Variants in PTPRQ observed in about 807,000 individuals in gnomAD.
The protein encoded by PTPRQ is protein tyrosine phosphatase receptor type Q, also known as phosphatidylinositol phosphatase PTPRQ.
In PTPRQ, 199 loss-of-function variants were observed where a neutral mutation model predicts 246.0. The ratio of observed to expected loss-of-function variants is 0.81; its 90% CI spans 0.72 to 0.91. The LOEUF (loss-of-function observed/expected upper bound fraction) is 0.91, where lower values mean the gene tolerates loss of function less well. PTPRQ is among the 40% of genes least tolerant of loss of function. PTPRQ has a pLI of 0.00. For missense variants in PTPRQ, 2,624 were observed against 2,528.4 expected, an observed-to-expected ratio of 1.04 and a Z score of -0.81; for synonymous variants, 869 against 853.2, an observed-to-expected ratio of 1.02 and a Z score of -0.32.
chr12:80,575,166 T>C (rs1339068122), intron 25 of PTPRQ, among the ~76,000 whole-genome samples: 1 of 152,260 alleles, frequency 6.6e-6, no homozygotes, highest in East Asian at 1.9e-4. Context: ...TATTAAAATA[T>C]CTAGTCACAC....
At chr12:80,571,013 A>G (rs1367982680) in intron 25 of PTPRQ, among the ~76,000 whole-genome samples, 1 of 152,182 alleles carries the variant, frequency 6.6e-6, no homozygotes, top group Non-Finnish European at 1.5e-5. Flanking sequence ...GAAGCCAGGT[A>G]CCATGATGCC....
intron 8 of PTPRQ, among the ~76,000 whole-genome samples, chr12:80,479,913 C>T (rs1893973568): frequency 6.6e-6 from 1 of 151,146 alleles, no homozygotes; most frequent in Non-Finnish European, 1.5e-5. Context: ...GACTCCCACA[C>T]ATTAATAATG....
intron 37 of PTPRQ, among the ~76,000 whole-genome samples, chr12:80,652,197 T>A (rs1400983622): frequency 3.3e-5 from 5 of 152,042 alleles, no homozygotes; most frequent in African/African-American, 7.2e-5. Flanking sequence ...CAATAATAGA[T>A]CTTCTTGACC....
chr12:80,516,025 C>T (rs1405711818), intron 17 of PTPRQ, among the ~76,000 whole-genome samples: 1 of 138,700 alleles, frequency 7.2e-6, no homozygotes, highest in African/African-American at 2.6e-5. Flanking sequence ...CTAGCATTTC[C>T]CCCCTGCAGT....
At position 80,676,973 on chromosome 12, in the gene PTPRQ, C is replaced by A. The variant is rs576774739; in HGVS notation, c.6739-1629C>A. Among the ~76,000 whole-genome samples, 8 of 152,224 alleles carry A rather than the reference C, an allele frequency of 5.3e-5. No homozygotes were observed. In the South Asian group the frequency reaches 1.5e-3, roughly 28 times the overall value. ...CTTAAGGTAATATGGCTCTCTAGGGCAGAAACTGGAATTAAACTTTTTTCA... is the reference window on the plus strand; with the variant it reads ...CTTAAGGTAATATGGCTCTCTAGGGAAGAAACTGGAATTAAACTTTTTTCA... On this transcript the variant is annotated intron_variant, in intron 43 of 44. Transcript: ENST00000644991.
At chr12:80,542,061 C>T in intron 21 of PTPRQ, 28 bp from the exon 22 acceptor site, 2 of 1,523,280 alleles carry the variant, frequency 1.3e-6, no homozygotes, top group Non-Finnish European at 1.8e-6. Context: ...ACTTTTGTTT[C>T]ATTTAATATT....
intron 17 of PTPRQ, among the ~76,000 whole-genome samples, chr12:80,524,149 G>C (rs964118624): frequency 6.6e-6 from 1 of 152,168 alleles, no homozygotes; most frequent in East Asian, 1.9e-4. Context: ...GATCTTTGTT[G>C]GTTTAAAGTC....
At chr12:80,642,298 C>T (rs931278211) in intron 35 of PTPRQ, among the ~76,000 whole-genome samples, 2 of 152,142 alleles carry the variant, frequency 1.3e-5, no homozygotes, top group African/African-American at 4.8e-5. Flanking sequence ...CTGGTATCTC[C>T]TATTCATTGA....
rs893971566 is a variant in PTPRQ at position 80,622,249 on chromosome 12, T to A, written c.5686+115T>A. 13 of 897,658 alleles carry A rather than the reference T, an allele frequency of 1.4e-5. No homozygotes were observed. The South Asian group carries it at 4.3e-4, about 30-fold the overall frequency. The allele number at this position is 897,658 out of a possible 1,614,324, so 55.6% of individuals were successfully genotyped here. A position where few individuals can be genotyped will look rare whatever the true frequency, so the allele number is the denominator to read the frequency against. On this transcript the variant is annotated intron_variant, in intron 33 of 44. Transcript: ENST00000644991. ...GTTTTAAAATATAAACTCATTTAAA[T>A]GTTAATTAGCCTCTCTAGTAATATT...
chr12:80,611,879 A>G (rs1247951856), intron 28 of PTPRQ, among the ~76,000 whole-genome samples: 3 of 150,498 alleles, frequency 2.0e-5, no homozygotes, highest in African/African-American at 7.3e-5. Context: ...TCTTGAACCA[A>G]CTTAACCTTT....
intron 35 of PTPRQ, among the ~76,000 whole-genome samples, chr12:80,644,632 GTT>G (rs754300409): frequency 1.1e-4 from 16 of 152,024 alleles, no homozygotes; most frequent in Non-Finnish European, 1.9e-4. Context: ...TAAGCAAACA[GTT>G]TTTCCTATTA....
chr12:80,457,358 A>G (rs1029018576), intron 3 of PTPRQ, among the ~76,000 whole-genome samples: 13 of 152,018 alleles, frequency 8.6e-5, no homozygotes, highest in African/African-American at 2.9e-4. Flanking sequence ...AAGGTATTTG[A>G]CCTCTCTCAG....
chr12:80,510,345 C>T lies in PTPRQ; in HGVS notation c.2580C>T (p.Asp860=), dbSNP rs1176616801. The T allele has an allele frequency of 2.6e-6, 4 of 1,548,648 alleles. No individual in the cohort carries two copies. Among genetic ancestry groups the T allele is most frequent in the Non-Finnish European group, 2.6e-6 (3 of 1,145,344 alleles). The change falls in exon 17 of 45, where the codon GAC becomes GAT. Residue 860 remains aspartate (D), a synonymous_variant. Coordinates refer to ENST00000644991, the MANE Select transcript of PTPRQ (RefSeq NM_001145026.2). Reference sequence around the variant, plus strand: ...CAGCTCCTGATTCTCCCCCTCAAGACTTCTCTGTAAAACAGTTGTCTGGTG... The same window carrying T: ...CAGCTCCTGATTCTCCCCCTCAAGATTTCTCTGTAAAACAGTTGTCTGGTG... ...EEDAPDSPPQ[D]FSVKQLSGVT... is the part of the protein sequence containing the mutation.
At chr12:80,478,006 C>T (rs555303767) in intron 8 of PTPRQ, among the ~76,000 whole-genome samples, 160 of 152,358 alleles carry the variant, frequency 1.1e-3, no homozygotes, top group African/African-American at 3.7e-3. Context: ...AGCCTGGAAG[C>T]TCCAACTGGG....
At chr12:80,455,889 G>A (rs373332655) in intron 3 of PTPRQ, among the ~76,000 whole-genome samples, 13 of 151,928 alleles carry the variant, frequency 8.6e-5, no homozygotes, top group Non-Finnish European at 1.6e-4. Context: ...GTGAGCCACC[G>A]CGCCCAGCCG....
Position 80,496,493 on chromosome 12 carries a change from A to T in PTPRQ, c.2234A>T (p.Gln745Leu). Reference protein sequence around the residue: ...RSYTRFGHGNQVSSLLSVRTS... With the variant: ...RSYTRFGHGNLVSSLLSVRTS... Reference sequence around the variant, plus strand: ...TACACCAGATTTGGTCATGGCAATCAGGTATCTTCTTTACTCTCTGTAAGG... The same window carrying T: ...TACACCAGATTTGGTCATGGCAATCTGGTATCTTCTTTACTCTCTGTAAGG... The change falls in exon 14 of 45, where the codon CAG becomes CTG. Residue 745 changes from glutamine (Q) to leucine (L), a missense_variant. Transcript: ENST00000644991. The T allele has an allele frequency of 6.5e-7, 1 of 1,550,090 alleles. No homozygotes were observed. The highest frequency in any genetic ancestry group is 8.7e-7 in the Non-Finnish European group (1 of 1,146,272).
chr12:80,619,583 G>A (rs373904564), intron 31 of PTPRQ, 41 bp downstream of exon 31: 63 of 1,410,144 alleles, frequency 4.5e-5, no homozygotes, highest in East Asian at 2.4e-4. Flanking sequence ...ATTGTGGAGT[G>A]TAGATTACTG....
intron 38 of PTPRQ, 122 bp downstream of exon 38, chr12:80,652,956 T>C (rs770800029): frequency 1.8e-6 from 2 of 1,128,672 alleles, no homozygotes; most frequent in Non-Finnish European, 2.3e-6. Context: ...ATGTATTTTA[T>C]TGGCAGTGAC....
intron 25 of PTPRQ, among the ~76,000 whole-genome samples, chr12:80,570,621 C>A (rs1026558420): frequency 6.6e-6 from 1 of 152,108 alleles, no homozygotes; most frequent in African/African-American, 2.4e-5. Context: ...GCTTCTGTTG[C>A]CATTGCTTTT....
Sources: gnomAD v4.1 joint callset for allele counts (sites outside exome capture counted in the v4.1 genomes callset) on GRCh38, gnomAD v4.1.1 for gene constraint, MANE v1.5 for transcripts, NCBI Gene and HGNC (gene_info 2026-07-23, HGNC 2026-07-21) for gene names.